The following BSN variants were observed in gnomAD, a reference collection of about 807,000 sequenced individuals.
BSN encodes protein bassoon.
Under a neutral mutation model 264.8 loss-of-function variants are expected in BSN, and 57 were observed. That is an observed-to-expected ratio of 0.22 (90% CI 0.17 to 0.27). The LOEUF (loss-of-function observed/expected upper bound fraction) is 0.27, where lower values mean the gene tolerates loss of function less well. Ranked by LOEUF, BSN falls within the 10% of genes least tolerant of loss-of-function variation. The pLI is 1.00. For missense variants in BSN, 4,615 were observed against 5,232.5 expected (o/e 0.88, Z 3.64); for synonymous variants, 2,059 against 2,137.3 (o/e 0.96, Z 1.01).
At chr3:49,632,424 A>G (rs1433969450) in intron 2 of BSN, among the ~76,000 whole-genome samples, 1 of 152,246 alleles carries the variant, frequency 6.6e-6, no homozygotes, top group African/African-American at 2.4e-5. Context: ...TGCTAATTAT[A>G]TATTTGATAA....
chr3:49,583,159 G>A (rs975828642), intron 1 of BSN, among the ~76,000 whole-genome samples: 1 of 151,794 alleles, frequency 6.6e-6, no homozygotes, highest in African/African-American at 2.4e-5. Context: ...AGTAGAGATG[G>A]GGTTTCACTA....
chr3:49,616,213 C>G (rs1243597711), intron 1 of BSN, among the ~76,000 whole-genome samples: 3 of 152,172 alleles, frequency 2.0e-5, no homozygotes, highest in Non-Finnish European at 4.4e-5. Context: ...TTTTCTAAGC[C>G]TAAACTTTCT....
Position 49,605,526 on chromosome 3 carries a change from T to C in BSN, c.225-19449T>C. 1.0e-3 allele frequency among the ~76,000 whole-genome samples: 7 copies of C among 6,724 alleles called. 1 individual carries two copies. Among genetic ancestry groups the C allele is most frequent in the African/African-American group, 5.8e-3 (7 of 1,212 alleles). 4.4% of individuals were successfully genotyped at this position (6,724 alleles called of 152,430 possible). Reference sequence around the variant, plus strand: ...TATATATTATATAATATATATATAATATATAATATATATTATATATATTTT... The same window carrying C: ...TATATATTATATAATATATATATAACATATAATATATATTATATATATTTT... On this transcript the variant is annotated intron_variant, in intron 1 of 11. Coordinates refer to ENST00000296452, the MANE Select transcript of BSN (RefSeq NM_003458.4).
intron 1 of BSN, among the ~76,000 whole-genome samples, chr3:49,611,940 C>A (rs759958932): frequency 2.0e-5 from 3 of 152,104 alleles, no homozygotes; most frequent in Non-Finnish European, 4.4e-5. Context: ...CTCTTGGCTC[C>A]CAGCATGGGC....
At chr3:49,564,289 C>CA (rs2051736726) in intron 1 of BSN, among the ~76,000 whole-genome samples, 1 of 152,210 alleles carries the variant, frequency 6.6e-6, no homozygotes, top group Non-Finnish European at 1.5e-5. Flanking sequence ...GCTACTCCCA[C>CA]ACTTATCCAG....
chr3:49,672,781 C>CTTT (rs757536435), downstream of BSN, among the ~76,000 whole-genome samples: 2 of 106,984 alleles, frequency 1.9e-5, no homozygotes, highest in African/African-American at 7.1e-5. Context: ...GCGCCTGGCA[C>CTTT]TTTTTTTTTT....
chr3:49,587,507 G>A (rs1385429969), intron 1 of BSN, among the ~76,000 whole-genome samples: 1 of 152,154 alleles, frequency 6.6e-6, no homozygotes, highest in Non-Finnish European at 1.5e-5. Flanking sequence ...TGGAGAAAAC[G>A]CACAAAACAA....
intron 1 of BSN, among the ~76,000 whole-genome samples, chr3:49,576,117 C>A (rs1453229651): frequency 6.6e-6 from 1 of 152,056 alleles, no homozygotes; most frequent in Admixed American, 6.6e-5. Flanking sequence ...ACCGCTGGTG[C>A]CTTTTGGGGC....
At chr3:49,590,028 G>A (rs889044478) in intron 1 of BSN, among the ~76,000 whole-genome samples, 1 of 151,772 alleles carries the variant, frequency 6.6e-6, no homozygotes, top group Admixed American at 6.6e-5. Flanking sequence ...AGTAGAGACG[G>A]GGTTTCACCA....
At position 49,652,429 on chromosome 3, in the gene BSN, G is replaced by C; in HGVS notation, c.2873G>C (p.Arg958Pro). 6.2e-7 allele frequency: 1 copy of C among 1,612,624 alleles called. No homozygotes were observed. The highest frequency in any genetic ancestry group is 8.5e-7 in the Non-Finnish European group (1 of 1,179,308). ...LGQGPDPSLD[R>P]EPELEMESLT... ...CAAGGCCCAGACCCCAGTCTGGACC[G>C]GGAGCCTGAGCTGGAGATGGAGAGC... is the stretch of plus-strand genomic sequence containing the variant. The change falls in exon 5 of 12, where the codon CGG becomes CCG. Residue 958 changes from arginine to proline, a missense_variant. Arg to Pro is a moderately radical substitution (Grantham distance 103). Transcript: ENST00000296452.
intron 8 of BSN, 102 bp from the exon 9 acceptor site, chr3:49,664,321 T>TA: frequency 6.7e-7 from 1 of 1,492,832 alleles, no homozygotes; most frequent in South Asian, 1.2e-5. Context: ...CTTCCCACCT[T>TA]ATAGGGTACC....
At chr3:49,615,746 AAGCTGATGAGGCC>A (rs777754260) in intron 1 of BSN, among the ~76,000 whole-genome samples, 7 of 152,142 alleles carry the variant, frequency 4.6e-5, no homozygotes, top group Non-Finnish European at 1.0e-4. Context: ...GACAATCAGG[AAGCTGATGAGGCC>A]AGCCCTTGAT....
In BSN at chr3:49,554,706, A is replaced by C; in HGVS notation, c.104A>C (p.Lys35Thr). 1 of 1,170,754 alleles carries C rather than the reference A, an allele frequency of 8.5e-7. No individual in the cohort carries two copies. The allele number at this position is 1,170,754 out of a possible 1,614,324, so 72.5% of individuals were successfully genotyped here. The change falls in exon 1 of 12, where the codon AAG becomes ACG. Residue 35 changes from lysine to threonine, a missense_variant. Transcript: ENST00000296452. Reference sequence around the variant, plus strand: ...CCCGGCCCCGGCCCCGGCGCAGGAAAGCCGCCTTCAGCACCGGCCGGTGGC... The same window carrying C: ...CCCGGCCCCGGCCCCGGCGCAGGAACGCCGCCTTCAGCACCGGCCGGTGGC... Reference protein sequence around the residue: ...PGPGPGPGAGKPPSAPAGGGQ... With the variant: ...PGPGPGPGAGTPPSAPAGGGQ...
In BSN at chr3:49,664,477, C is replaced by T. The variant is rs149315260; in HGVS notation, c.11663C>T (p.Pro3888Leu). ...GGTPGAPAGQ[P>L]GADGESVFSK... ...ACCCCAGGGGCTCCCGCCGGCCAGC[C>T]AGGTGCCGATGGGGAGAGCGTGTTC... Residue 3888 changes from proline to leucine, a missense_variant, in exon 9 of 12, where the codon CCA (proline) becomes CTA (leucine). By Grantham distance (98) the Pro-to-Leu change is moderately conservative. Coordinates refer to ENST00000296452, the MANE Select transcript of BSN (RefSeq NM_003458.4). The T allele has an allele frequency of 1.8e-3, 2,947 of 1,613,564 alleles. 10 individuals are homozygous for T. Among genetic ancestry groups the T allele is most frequent in the Middle Eastern group, 4.0e-3 (24 of 6,058 alleles).
rs1465356688 is a variant in BSN at position 49,560,194 on chromosome 3, T to C, written c.224+5368T>C. ...AAATCTTTCCCCTTATCACAGGTCC[T>C]GCATTTCTGAATTGGGCCCTTTCCT... On this transcript the variant is annotated intron_variant, in intron 1 of 11. Coordinates refer to ENST00000296452, the MANE Select transcript of BSN (RefSeq NM_003458.4). 2.6e-5 allele frequency among the ~76,000 whole-genome samples: 4 copies of C among 152,314 alleles called. No homozygotes were observed. In the South Asian group the frequency reaches 6.2e-4, roughly 24 times the overall value.
Position 49,662,340 on chromosome 3 carries a change from A to G in BSN, c.10495A>G (p.Ser3499Gly), listed in dbSNP as rs2108096738. 1 of 1,613,498 alleles carries G rather than the reference A, an allele frequency of 6.2e-7. No individual in the cohort carries two copies. Among genetic ancestry groups the G allele is most frequent in the East Asian group, 2.2e-5 (1 of 44,858 alleles). Residue 3499 changes from serine (S) to glycine (G), a missense_variant, in exon 6 of 12, where the codon AGC becomes GGC. By Grantham distance (56) the Ser-to-Gly change is moderately conservative (BLOSUM62 0). Around this residue, in one of 3 missense-constraint regions of BSN, gnomAD observed 3,415 missense variants for 3,866.4 expected, o/e 0.88. Coordinates refer to ENST00000296452, the MANE Select transcript of BSN (RefSeq NM_003458.4). Reference protein sequence around the residue: ...AHSRVRPPMRSQASEEESPVS... With the variant: ...AHSRVRPPMRGQASEEESPVS... The stretch of plus-strand genomic sequence containing the variant: ...CAGCCGGGTACGACCCCCCATGCGG[A>G]GCCAGGCCTCTGAAGAGGAGAGCCC...
At chr3:49,584,974 CT>C (rs962257035) in intron 1 of BSN, among the ~76,000 whole-genome samples, 2 of 152,138 alleles carry the variant, frequency 1.3e-5, no homozygotes, top group African/African-American at 2.4e-5. Flanking sequence ...GTATCTCATT[CT>C]TTTTTTATGG....
At chr3:49,575,420 A>ATGTGTATATATATGTAAATATATATG (rs1559595659) in intron 1 of BSN, among the ~76,000 whole-genome samples, 5 of 147,140 alleles carry the variant, frequency 3.4e-5, no homozygotes, top group African/African-American at 9.9e-5. Context: ...AAATATATAT[A>ATGTGTATATATATGTAAATATATATG]TGTGTATATA....
chr3:49,574,318 C>T (rs2051823977), intron 1 of BSN, among the ~76,000 whole-genome samples: 1 of 152,068 alleles, frequency 6.6e-6, no homozygotes, highest in Non-Finnish European at 1.5e-5. Flanking sequence ...ATTATTATCT[C>T]TTTCCCAGGA....
Sources: gnomAD v4.1 joint callset for allele counts (sites outside exome capture counted in the v4.1 genomes callset) on GRCh38, gnomAD v4.1.1 for gene constraint, gnomAD v4.1.1 regional missense constraint, MANE v1.5 for transcripts, NCBI Gene and HGNC (gene_info 2026-07-23, HGNC 2026-07-21) for gene names.